The following CFAP221 variants were observed in gnomAD, a reference collection of about 807,000 sequenced individuals.
The protein encoded by CFAP221 is cilia- and flagella-associated protein 221.
CFAP221 carries 97 observed loss-of-function variants against 113.1 expected under a neutral mutation model. The ratio of observed to expected loss-of-function variants is 0.86; its 90% confidence interval spans 0.73 to 1.02. The LOEUF (loss-of-function observed/expected upper bound fraction) is 1.02, where lower values mean the gene tolerates loss of function less well. Among genes scored for constraint, CFAP221 ranks in the 50% least tolerant of loss-of-function variants. CFAP221 has a pLI of 0.00. For missense variants in CFAP221, 1,025 were observed against 1,013.4 expected, an observed-to-expected ratio of 1.01 and a Z score of -0.16; for synonymous variants, 331 against 354.4, an observed-to-expected ratio of 0.93 and a Z score of 0.74.
chr2:119,566,830 G>C (rs1354600079), intron 6 of CFAP221, among the ~76,000 whole-genome samples: 1 of 151,794 alleles, frequency 6.6e-6, no homozygotes, highest in Admixed American at 6.6e-5. Context: ...GACCGTGCTT[G>C]CAGGGTTTTT....
At chr2:119,595,522 G>A (rs980215108) in intron 7 of CFAP221, among the ~76,000 whole-genome samples, 11 of 152,174 alleles carry the variant, frequency 7.2e-5, no homozygotes, top group African/African-American at 2.6e-4. Flanking sequence ...AATGCTCTGC[G>A]CTTGGTTTCT....
rs1311557046 is a variant in CFAP221, at chr2:119,629,875, G to A, written c.1651G>A (p.Ala551Thr). 1.2e-6 allele frequency: 2 copies of A among 1,609,076 alleles called. No homozygotes were observed. The highest frequency in any genetic ancestry group is 2.7e-5 in the African/African-American group (2 of 74,748). ...CTTTTTTTCTCCTTTCACATTTTAG[G>A]CTCCTGATGGCCTTGGACTGGTCCC... ...CSPPQDSNEL[A>T]PDGLGLVPIK... Residue 551 changes from alanine to threonine, a missense_variant and splice_region_variant, in exon 17 of 24, where the codon GCT becomes ACT. Physicochemically the swap from Ala to Thr is moderately conservative, Grantham distance 58 (BLOSUM62 0). Transcript: ENST00000413369.
intron 21 of CFAP221, among the ~76,000 whole-genome samples, chr2:119,643,325 G>A (rs969441497): frequency 1.3e-5 from 2 of 152,100 alleles, no homozygotes; most frequent in Non-Finnish European, 2.9e-5. Context: ...CGTAATAATC[G>A]AAGCAGCTCA....
chr2:119,548,180 T>A (rs929121542), intron 2 of CFAP221, among the ~76,000 whole-genome samples: 2 of 152,072 alleles, frequency 1.3e-5, no homozygotes, highest in East Asian at 1.9e-4. Context: ...CCCAGGCTGG[T>A]CTCTAACTCC....
intron 3 of CFAP221, among the ~76,000 whole-genome samples, chr2:119,552,397 ATTTC>A (rs1286103331): frequency 4.2e-3 from 123 of 29,484 alleles, no homozygotes; most frequent in African/African-American, 0.015. Context: ...AAATAGAAAT[ATTTC>A]TTTCTTTAAT....
rs61745919 is a variant in CFAP221 at position 119,639,787 on chromosome 2, A to G, written c.2140A>G (p.Ile714Val). Residue 714 changes from isoleucine (I) to valine (V), a missense_variant, in exon 21 of 24, where the codon ATT (isoleucine) becomes GTT (valine). Transcript: ENST00000413369. The stretch of plus-strand genomic sequence containing the variant: ...GTGCTGACTTTCCTTACAGGACATT[A>G]TTCCCGGAATAATGCACTGGAAAAG... ...QKQFLHHTDIIPGIMHWKSFQ... is the reference protein window; with the variant it reads ...QKQFLHHTDIVPGIMHWKSFQ... The G allele has an allele frequency of 3.5e-4, 561 of 1,613,942 alleles. No individual in the cohort carries two copies. In the African/African-American group the frequency reaches 4.2e-3, roughly 12 times the overall value.
intron 7 of CFAP221, among the ~76,000 whole-genome samples, chr2:119,597,777 G>GTACA (rs998787253): frequency 6.6e-6 from 1 of 152,144 alleles, no homozygotes; most frequent in African/African-American, 2.4e-5. Flanking sequence ...GTTACTTGAT[G>GTACA]TACACCCTAT....
At chr2:119,576,019 C>T (rs1682418320) in intron 6 of CFAP221, among the ~76,000 whole-genome samples, 1 of 152,118 alleles carries the variant, frequency 6.6e-6, no homozygotes. Context: ...GTGGGAGCAG[C>T]TTTACCAATA....
chr2:119,592,402 T>C (rs1002087560), intron 7 of CFAP221, among the ~76,000 whole-genome samples: 1 of 152,206 alleles, frequency 6.6e-6, no homozygotes, highest in Admixed American at 6.5e-5. Flanking sequence ...TCAGCTGGAA[T>C]CTTGGCCATG....
intron 14 of CFAP221, among the ~76,000 whole-genome samples, chr2:119,620,432 A>G (rs1025184418): frequency 8.5e-5 from 13 of 152,240 alleles, no homozygotes; most frequent in Non-Finnish European, 1.8e-4. Context: ...GTGGGGGCCA[A>G]TATTCAACAT....
intron 6 of CFAP221, among the ~76,000 whole-genome samples, chr2:119,563,829 C>T (rs890512655): frequency 2.0e-5 from 3 of 152,208 alleles, no homozygotes; most frequent in Non-Finnish European, 4.4e-5. Context: ...GAGGTGACAG[C>T]TGGGTTATCC....
intron 7 of CFAP221, among the ~76,000 whole-genome samples, chr2:119,597,798 G>A (rs534102644): frequency 3.9e-5 from 6 of 152,132 alleles, no homozygotes; most frequent in Non-Finnish European, 8.8e-5. Context: ...GTAAATGAAG[G>A]AGTGACCCCC....
rs1043775358 is a variant in CFAP221, at chr2:119,630,683, A to G, written c.1839+6A>G. The G allele has an allele frequency of 1.9e-6, 3 of 1,608,730 alleles. No homozygotes were observed. Among genetic ancestry groups the G allele is most frequent in the Non-Finnish European group, 2.6e-6 (3 of 1,175,196 alleles). ...CCCTAAAGCAAGGAGCTGAGGTAAC[A>G]CACCCCCATCTTCCAGAATCTCTCT... On this transcript the variant is annotated splice_donor_region_variant and intron_variant, in intron 18 of 23. Coordinates refer to ENST00000413369, the MANE Select transcript of CFAP221 (RefSeq NM_001271049.2).
At chr2:119,647,098 C>A in intron 22 of CFAP221, 48 bp downstream of exon 22, 1 of 1,468,666 alleles carries the variant, frequency 6.8e-7, no homozygotes, top group Non-Finnish European at 9.4e-7. Flanking sequence ...GTCTGTTTTC[C>A]AAAAATATGT....
intron 7 of CFAP221, among the ~76,000 whole-genome samples, chr2:119,588,412 A>C (rs1387363694): frequency 6.6e-6 from 1 of 152,188 alleles, no homozygotes; most frequent in African/African-American, 2.4e-5. Context: ...AAAGGAAGAA[A>C]AGCTCAATAG....
chr2:119,609,852 C>G (rs982708089), intron 12 of CFAP221, among the ~76,000 whole-genome samples: 1 of 152,094 alleles, frequency 6.6e-6, no homozygotes, highest in Non-Finnish European at 1.5e-5. Context: ...AGAGAATGTA[C>G]TTTTCTTTCC....
At chr2:119,606,281 C>T (rs1303715743) in intron 11 of CFAP221, among the ~76,000 whole-genome samples, 9 of 151,750 alleles carry the variant, frequency 5.9e-5, no homozygotes, top group Non-Finnish European at 1.0e-4. Flanking sequence ...ATTACAGGTA[C>T]GAGTCCCCAT....
chr2:119,559,117 C>G (rs1681035173), intron 3 of CFAP221, among the ~76,000 whole-genome samples: 1 of 152,232 alleles, frequency 6.6e-6, no homozygotes, highest in Admixed American at 6.5e-5. Flanking sequence ...ACCCAGCTGA[C>G]ATATCCACCA....
intron 14 of CFAP221, among the ~76,000 whole-genome samples, chr2:119,618,982 T>C (rs1402729797): frequency 6.6e-6 from 1 of 152,174 alleles, no homozygotes; most frequent in Non-Finnish European, 1.5e-5. Context: ...AAGTTCAAAA[T>C]GGGCAGAGCC....
Sources: allele counts gnomAD v4.1 joint callset (sites outside exome capture counted in the v4.1 genomes callset), GRCh38; gene constraint gnomAD v4.1.1; transcripts MANE v1.5; gene names NCBI Gene and HGNC (gene_info 2026-07-23, HGNC 2026-07-21).